The following NLGN4Y variants were observed in gnomAD, a reference collection of about 807,000 sequenced individuals.
NLGN4Y encodes neuroligin-4, Y-linked.
Under a neutral mutation model 8.4 loss-of-function variants are expected in NLGN4Y, and 4 were observed. The ratio of observed to expected loss-of-function variants is 0.48; its 90% CI spans 0.23 to 1.09. The LOEUF is 1.09. Ranked by LOEUF, NLGN4Y falls within the 50% of genes least tolerant of loss-of-function variation. The pLI, the probability that NLGN4Y is intolerant of heterozygous loss-of-function variation, is 0.19. For missense variants in NLGN4Y, 90 were observed against 192.3 expected (o/e 0.47, Z 3.15); for synonymous variants, 35 against 75.6 (o/e 0.46, Z 2.78).
intron 1 of NLGN4Y, among the ~76,000 whole-genome samples, chrY:14,587,684 A>C (rs1033252463): frequency 3.0e-5 from 1 of 33,584 alleles, no homozygotes; most frequent in South Asian, 6.8e-4. Flanking sequence ...TACTCATCAT[A>C]GTCTAACAAT....
chrY:14,653,344 A>G, intron 2 of NLGN4Y, among the ~76,000 whole-genome samples: 1 of 30,479 alleles, frequency 3.3e-5, no homozygotes, highest in African/African-American at 1.3e-4. Flanking sequence ...TAGCCACCGG[A>G]TCACACATGT....
chrY:14,693,230 T>G, intron 2 of NLGN4Y, among the ~76,000 whole-genome samples: 1 of 32,324 alleles, frequency 3.1e-5, no homozygotes, highest in Non-Finnish European at 7.5e-5. Context: ...TCCATCATTT[T>G]GGGATGTATT....
intron 1 of NLGN4Y, among the ~76,000 whole-genome samples, chrY:14,583,526 A>G (rs2080327055): frequency 3.0e-5 from 1 of 33,791 alleles, no homozygotes; most frequent in Admixed American, 2.7e-4. Flanking sequence ...AGATGGGACC[A>G]GAGAAAAAGC....
At chrY:14,748,723 A>G (rs2081030701) in intron 4 of NLGN4Y, 1 of 182,350 alleles carries the variant, frequency 5.5e-6, no homozygotes, top group African/African-American at 9.0e-5. Context: ...TGAGGATGAA[A>G]TTAGAGGTAG....
intron 4 of NLGN4Y, among the ~76,000 whole-genome samples, chrY:14,797,683 G>T (rs1603504157): frequency 1.2e-4 from 4 of 33,531 alleles, no homozygotes. Flanking sequence ...AAAATATATA[G>T]AATACATCAA....
intron 1 of NLGN4Y, among the ~76,000 whole-genome samples, chrY:14,542,658 T>C: frequency 3.0e-5 from 1 of 33,283 alleles, no homozygotes; most frequent in Non-Finnish European, 7.4e-5. Flanking sequence ...TATAAATCAT[T>C]CTACTATAAA....
At chrY:14,828,144 C>A in intron 5 of NLGN4Y, among the ~76,000 whole-genome samples, 2 of 32,415 alleles carry the variant, frequency 6.2e-5, no homozygotes, top group Non-Finnish European at 1.5e-4. Flanking sequence ...GTGAGTTTTG[C>A]TTTAATGTTT....
chrY:14,678,446 T>C, intron 2 of NLGN4Y, among the ~76,000 whole-genome samples: 1 of 33,776 alleles, frequency 3.0e-5, no homozygotes, highest in Non-Finnish European at 7.4e-5. Context: ...TTCTCCTTTG[T>C]TCTTCTTTCA....
chrY:14,600,623 A>G (rs2080423534), intron 1 of NLGN4Y, among the ~76,000 whole-genome samples: 2 of 32,809 alleles, frequency 6.1e-5, no homozygotes, highest in African/African-American at 2.4e-4. Context: ...CTGGGGAAAA[A>G]GTAAATACTC....
In NLGN4Y at chrY:14,723,205, C is replaced by T; in HGVS notation, c.621C>T (p.Gly207=). Residue 207 remains glycine (G), a synonymous_variant, in exon 4 of 7, where the codon GGC becomes GGT. Coordinates refer to ENST00000684976, the MANE Select transcript of NLGN4Y (RefSeq NM_001365588.1). ...YMEGTGNMID[G]SILASYGNVI... is the part of the protein sequence containing the mutation. ...AGGGAACCGGTAACATGATTGATGG[C>T]AGCATTTTGGCCAGCTATGGGAACG... 1.0e-5 allele frequency: 4 copies of T among 397,101 alleles called. No individual in the cohort carries two copies. The highest frequency in any genetic ancestry group is 1.4e-5 in the Non-Finnish European group (4 of 282,588).
At chrY:14,611,390 TC>T (rs57139618) in intron 1 of NLGN4Y, among the ~76,000 whole-genome samples, 2,306 of 24,442 alleles carry the variant, frequency 0.094, no homozygotes, top group African/African-American at 0.46. Flanking sequence ...TTTTTTTTTT[TC>T]TTTTTTTTTT....
intron 6 of NLGN4Y, among the ~76,000 whole-genome samples, chrY:14,834,687 T>C: frequency 2.9e-5 from 1 of 33,966 alleles, no homozygotes; most frequent in Non-Finnish European, 7.3e-5. Context: ...CTGTTGCTAG[T>C]TATTTGCTTA....
At chrY:14,668,753 GC>G (rs2080700349) in intron 2 of NLGN4Y, among the ~76,000 whole-genome samples, 1 of 32,462 alleles carries the variant, frequency 3.1e-5, no homozygotes, top group East Asian at 8.1e-4. Flanking sequence ...TGGCTGGGAG[GC>G]CTCAGGAAAC....
chrY:14,841,307 C>A lies in NLGN4Y; in HGVS notation c.*45C>A. On this transcript the variant is annotated 3_prime_UTR_variant, in exon 7 of 7. Coordinates refer to ENST00000684976, the MANE Select transcript of NLGN4Y (RefSeq NM_001365588.1). ...CTATCCCTCTGCCCCTACTGCTCAG[C>A]AATGTAAAAGAGACAAATAAGGAGA... The A allele has an allele frequency of 2.6e-6, 1 of 383,819 alleles. No homozygotes were observed.
intron 2 of NLGN4Y, among the ~76,000 whole-genome samples, chrY:14,709,687 T>G: frequency 3.2e-5 from 1 of 31,547 alleles, no homozygotes; most frequent in Non-Finnish European, 7.7e-5. Flanking sequence ...CACTCCAGCC[T>G]GGGTGACAGA....
intron 2 of NLGN4Y, among the ~76,000 whole-genome samples, chrY:14,628,410 T>A (rs966924266): frequency 1.8e-4 from 6 of 33,940 alleles, no homozygotes; most frequent in Non-Finnish European, 3.7e-4. Flanking sequence ...TGATGAAATA[T>A]AAACAGACGT....
intron 4 of NLGN4Y, among the ~76,000 whole-genome samples, chrY:14,732,614 A>T (rs2080976627): frequency 2.9e-5 from 1 of 34,105 alleles, no homozygotes; most frequent in Non-Finnish European, 7.3e-5. Context: ...AATTTGTTTT[A>T]TGTTTTACAA....
chrY:14,831,488 TAG>T (rs2043178739), intron 6 of NLGN4Y, among the ~76,000 whole-genome samples: 1 of 30,202 alleles, frequency 3.3e-5, no homozygotes, highest in Non-Finnish European at 7.8e-5. Context: ...TTAACATATA[TAG>T]AGAGAAAAGA....
At chrY:14,657,673 T>C (rs976480203) in intron 2 of NLGN4Y, among the ~76,000 whole-genome samples, 2 of 29,795 alleles carry the variant, frequency 6.7e-5, no homozygotes, top group Non-Finnish European at 1.5e-4. Flanking sequence ...TGAAAAGATG[T>C]CACTTTGTGC....
Sources: allele counts gnomAD v4.1 joint callset (sites outside exome capture counted in the v4.1 genomes callset), GRCh38; gene constraint gnomAD v4.1.1; transcripts MANE v1.5; gene names NCBI Gene and HGNC (gene_info 2026-07-23, HGNC 2026-07-21).